The following TSPEAR variants were observed in gnomAD, a reference collection of about 807,000 sequenced individuals.
The protein encoded by TSPEAR is thrombospondin-type laminin G domain and EAR repeat-containing protein.
Under a neutral mutation model 71.6 loss-of-function variants are expected in TSPEAR, and 69 were observed. The ratio of observed to expected loss-of-function variants is 0.96; its 90% CI spans 0.79 to 1.18. The LOEUF (loss-of-function observed/expected upper bound fraction) is 1.18. Among genes scored for constraint, TSPEAR ranks in the 50% most tolerant of loss-of-function variants. The pLI, the probability that TSPEAR is intolerant of heterozygous loss-of-function variation, is 0.00. For synonymous variants in TSPEAR, 402 were observed against 387.2 expected, an observed-to-expected ratio of 1.04 and a Z score of -0.45; for missense variants, 971 against 894.9, an observed-to-expected ratio of 1.09 and a Z score of -1.09.
At chr21:44,574,931 C>T (rs781965009) in intron 1 of TSPEAR, 3 of 1,605,788 alleles carry the variant, frequency 1.9e-6, no homozygotes, top group Non-Finnish European at 1.7e-6. Flanking sequence ...AACCCAGCTG[C>T]TGCCGCCCAG....
rs150777153 is a variant in TSPEAR, at chr21:44,557,916, A to T, written c.303+9869T>A. The T allele has an allele frequency of 5.5e-6, 6 of 1,083,374 alleles. No homozygotes were observed. The Admixed American group carries it at 1.1e-4, about 20-fold the overall frequency. 67.1% of individuals were successfully genotyped at this position (1,083,374 alleles called of 1,614,324 possible). Reference sequence around the variant, plus strand: ...AGATGCATGCCTGGAGGGAATCGGCATGAAAGCTCAGCATTGCTGGCTGGA... The same window carrying T: ...AGATGCATGCCTGGAGGGAATCGGCTTGAAAGCTCAGCATTGCTGGCTGGA... On this transcript the variant is annotated intron_variant, in intron 2 of 11. Transcript: ENST00000323084.
Position 44,508,907 on chromosome 21 carries a change from C to T in TSPEAR, c.1754+292G>A, listed in dbSNP as rs144039352. The stretch of plus-strand genomic sequence containing the variant: ...CGACGGGCATGAAGCCCCCTCCTGC[C>T]TCCACTGCTCGGATGAAAGGAGGTA... On this transcript the variant is annotated intron_variant, in intron 10 of 11. Coordinates refer to ENST00000323084, the MANE Select transcript of TSPEAR (RefSeq NM_144991.3). 8.9e-4 allele frequency: 1,331 copies of T among 1,489,672 alleles called. 15 individuals are homozygous for T. In the African/African-American group the frequency reaches 0.015, roughly 17 times the overall value. 92.3% of individuals were successfully genotyped at this position (1,489,672 alleles called of 1,614,324 possible).
Position 44,695,064 on chromosome 21 carries a change from C to T in TSPEAR, c.82+16369G>A, listed in dbSNP as rs1164314742. ...GCTGCTTGATGCAGACACTTGACCT[C>T]GGAGGTGTTTAACCCAGATGTCCCC... On this transcript the variant is annotated intron_variant, in intron 1 of 11. Coordinates refer to ENST00000323084, the MANE Select transcript of TSPEAR (RefSeq NM_144991.3). This position sits in a 1 kb window ranked among gnomAD's most constrained non-coding sequence, Gnocchi z 4.5. Among the ~76,000 whole-genome samples, 3 of 152,198 alleles carry T rather than the reference C, an allele frequency of 2.0e-5. No individual in the cohort carries two copies. The highest frequency in any genetic ancestry group is 6.5e-5 in the Admixed American group (1 of 15,286).
chr21:44,696,921 A>C (rs1987363740), intron 1 of TSPEAR, among the ~76,000 whole-genome samples: 1 of 152,176 alleles, frequency 6.6e-6, no homozygotes, highest in Non-Finnish European at 1.5e-5. Context: ...CAAGGAAAGA[A>C]GCCTGGGGCC....
chr21:44,613,327 ACTC>A (rs1481134965), intron 1 of TSPEAR, among the ~76,000 whole-genome samples: 3 of 152,068 alleles, frequency 2.0e-5, no homozygotes, highest in Non-Finnish European at 2.9e-5. Flanking sequence ...CAGTGGCCTA[ACTC>A]CTCCAGGGGG....
chr21:44,632,158 C>T (rs1201351216), intron 1 of TSPEAR, among the ~76,000 whole-genome samples: 2 of 152,094 alleles, frequency 1.3e-5, no homozygotes, highest in Non-Finnish European at 2.9e-5. Flanking sequence ...ATTGAATCTA[C>T]ACATTCAAGA....
Position 44,522,027 on chromosome 21 carries a change from G to GGAGGT in TSPEAR, c.1417_1421dup (p.Gly475ProfsTer96), listed in dbSNP as rs781877537. 6.2e-7 allele frequency: 1 copy of GGAGGT among 1,614,186 alleles called. No homozygotes were observed. The highest frequency in any genetic ancestry group is 1.7e-5 in the Admixed American group (1 of 60,030). The stretch of plus-strand genomic sequence containing the variant: ...TGAAGAACTCCCAGTCGTAGGCGCC[G>GGAGGT]GAGGTGGCGATGGTCTGGTTGGCCT... On this transcript the variant is annotated frameshift_variant, in exon 9 of 12. Transcript: ENST00000323084. LOFTEE classifies it high-confidence loss of function.
At chr21:44,513,189 C>T (rs782603387) in intron 9 of TSPEAR, among the ~76,000 whole-genome samples, 41 of 152,328 alleles carry the variant, frequency 2.7e-4, no homozygotes, top group South Asian at 1.0e-3. Flanking sequence ...CACGGTAGGG[C>T]GGTCATTGTC....
In TSPEAR at chr21:44,540,034, C is replaced by T. The variant is rs782600188; in HGVS notation, c.304-6111G>A. On this transcript the variant is annotated intron_variant, in intron 2 of 11. Coordinates refer to ENST00000323084, the MANE Select transcript of TSPEAR (RefSeq NM_144991.3). ...TGCAGACCAGGGTCAGGCAGGGGGC[C>T]GGGGCGCAGCAGCTGAGGGCGCAGC... 53 of 1,612,976 alleles carry T rather than the reference C, an allele frequency of 3.3e-5. No homozygotes were observed. The Admixed American group carries it at 5.5e-4, about 17-fold the overall frequency.
In TSPEAR at chr21:44,499,665, G is replaced by C; in HGVS notation, c.*118C>G. 1.7e-6 allele frequency: 2 copies of C among 1,149,186 alleles called. No homozygotes were observed. The highest frequency in any genetic ancestry group is 2.4e-6 in the Non-Finnish European group (2 of 847,952). 71.2% of individuals were successfully genotyped at this position (1,149,186 alleles called of 1,614,324 possible). A position where few individuals can be genotyped will look rare whatever the true frequency, so the allele number is the denominator to read the frequency against. Reference sequence around the variant, plus strand: ...AGATGGCCCCACCTGCACCCTGCCTGATGCCCAGGCCCGGGATGCCCTAGG... The same window carrying C: ...AGATGGCCCCACCTGCACCCTGCCTCATGCCCAGGCCCGGGATGCCCTAGG... On this transcript the variant is annotated 3_prime_UTR_variant, in exon 12 of 12. Transcript: ENST00000323084.
chr21:44,521,378 C>T (rs587747182), intron 9 of TSPEAR, among the ~76,000 whole-genome samples: 2 of 152,330 alleles, frequency 1.3e-5, no homozygotes, highest in Non-Finnish European at 2.9e-5. Context: ...TCAAAGGTCT[C>T]GTGGTGGCTG....
At chr21:44,525,041 A>T (rs2052822714) in intron 8 of TSPEAR, among the ~76,000 whole-genome samples, 1 of 152,076 alleles carries the variant, frequency 6.6e-6, no homozygotes, top group Admixed American at 6.5e-5. Flanking sequence ...TCAGGTGGTC[A>T]GTCAGTCAGG....
intron 1 of TSPEAR, chr21:44,646,458 C>T (rs782275345): frequency 1.2e-6 from 2 of 1,605,426 alleles, no homozygotes; most frequent in South Asian, 2.2e-5. Context: ...CCCACCCCAG[C>T]ATGGCCGCGT....
intron 3 of TSPEAR, among the ~76,000 whole-genome samples, chr21:44,532,389 C>T (rs782086244): frequency 1.9e-4 from 29 of 152,268 alleles, no homozygotes; most frequent in Middle Eastern, 3.4e-3. Flanking sequence ...ACTTTCTTTA[C>T]GGGGTGGGAA....
intron 9 of TSPEAR, among the ~76,000 whole-genome samples, chr21:44,511,295 CTG>C (rs1226325672): frequency 2.0e-5 from 3 of 152,206 alleles, no homozygotes; most frequent in Non-Finnish European, 1.5e-5. Context: ...TGGATGTGCA[CTG>C]TGCGCACACA....
intron 1 of TSPEAR, among the ~76,000 whole-genome samples, chr21:44,588,098 T>A (rs1052281456): frequency 1.3e-5 from 2 of 152,086 alleles, no homozygotes; most frequent in African/African-American, 4.8e-5. Flanking sequence ...ACCCACACAG[T>A]GGGAGAAAAT....
Position 44,677,835 on chromosome 21 carries a change from T to C in TSPEAR, c.82+33598A>G. 5.4e-6 allele frequency: 7 copies of C among 1,306,344 alleles called. No homozygotes were observed. In the South Asian group the frequency reaches 8.4e-5, roughly 16 times the overall value. The allele number at this position is 1,306,344 out of a possible 1,614,324, so 80.9% of individuals were successfully genotyped here. ...AGAACCAAGAACCACCTCGAAGAGT[T>C]TGTCTGAGTAAGGTATGGTTTTCTC... On this transcript the variant is annotated intron_variant, in intron 1 of 11. Coordinates refer to ENST00000323084, the MANE Select transcript of TSPEAR (RefSeq NM_144991.3).
chr21:44,675,734 G>A (rs1555946795), intron 1 of TSPEAR: 1 of 419,280 alleles, frequency 2.4e-6, no homozygotes, highest in African/African-American at 2.0e-5. Flanking sequence ...AATGCAACAG[G>A]TGTTAACATT....
rs76371398 is a variant in TSPEAR, at chr21:44,695,519, G to A, written c.82+15914C>T. On this transcript the variant is annotated intron_variant, in intron 1 of 11. Coordinates refer to ENST00000323084, the MANE Select transcript of TSPEAR (RefSeq NM_144991.3). The surrounding 1 kb of genome is among the most constrained non-coding windows in gnomAD (Gnocchi z 4.5). ...CTCCCTCAGGGTTGCAATGACCTCC[G>A]ATCCCAAGACCCTTTTCCCAAGTCC... 6.4e-4 allele frequency among the ~76,000 whole-genome samples: 98 copies of A among 152,232 alleles called. No homozygotes were observed. The highest frequency in any genetic ancestry group is 2.1e-3 in the African/African-American group (88 of 41,534).
Sources: gnomAD v4.1 joint callset for allele counts (sites outside exome capture counted in the v4.1 genomes callset) on GRCh38, gnomAD v4.1.1 for gene constraint, Gnocchi (gnomAD v3.1) non-coding constraint, MANE v1.5 for transcripts, NCBI Gene and HGNC (gene_info 2026-07-23, HGNC 2026-07-21) for gene names.